MRE11: variants seen among roughly 807,000 people sequenced by gnomAD.
MRE11 encodes double-strand break repair protein MRE11.
A neutral mutation model predicts 91.7 loss-of-function variants in MRE11; 62 were observed. That is an observed-to-expected ratio of 0.68 (90% CI 0.55 to 0.84). The LOEUF is 0.84. Among genes scored for constraint, MRE11 ranks in the 40% least tolerant of loss-of-function variants. MRE11 has a pLI of 0.00. For missense variants in MRE11, 796 were observed against 852.9 expected (o/e 0.93, Z 0.83); for synonymous variants, 273 against 271.4 (o/e 1.01, Z -0.06).
chr11:94,507,315 T>C, the MRE11 span, among the ~76,000 whole-genome samples: 1 of 152,262 alleles, frequency 6.6e-6, no homozygotes, highest in Non-Finnish European at 1.5e-5. Flanking sequence ...TTGTTCTTTT[T>C]ATTGATGTAT....
At chr11:94,478,421 C>T (rs13447614) in intron 6 of MRE11, among the ~76,000 whole-genome samples, 33 of 152,014 alleles carry the variant, frequency 2.2e-4, no homozygotes, top group African/African-American at 9.7e-5. Flanking sequence ...TATAAGCTAG[C>T]GGTATTGTAC....
chr11:94,437,942 T>C (rs186979474), intron 16 of MRE11, among the ~76,000 whole-genome samples: 2 of 152,078 alleles, frequency 1.3e-5, no homozygotes, highest in East Asian at 1.9e-4. Context: ...CTGGCCAACA[T>C]GGTGAAACCC....
At chr11:94,445,417 C>T (rs919162185) in intron 16 of MRE11, among the ~76,000 whole-genome samples, 1 of 152,220 alleles carries the variant, frequency 6.6e-6, no homozygotes, top group African/African-American at 2.4e-5. Context: ...TCAAGTGATT[C>T]TCCTGCCTCA....
At chr11:94,462,076 A>C (rs1022965238) in intron 11 of MRE11, among the ~76,000 whole-genome samples, 2 of 152,170 alleles carry the variant, frequency 1.3e-5, no homozygotes, top group Non-Finnish European at 2.9e-5. Context: ...CTCTGTCTCA[A>C]AAAAATGAAA....
At chr11:94,430,071 C>G in intron 18 of MRE11, 85 bp from the exon 19 acceptor site, 1 of 1,234,878 alleles carries the variant, frequency 8.1e-7, no homozygotes, top group Non-Finnish European at 1.2e-6. Flanking sequence ...TTCAATCCAG[C>G]AGCTGCCACG....
chr11:94,493,030 T>C lies in MRE11; in HGVS notation c.-105-124A>G, dbSNP rs1947331786. ...ACTGGCAAATTTAGAAGTCTCATTT[T>C]CATCTAAGCACCCACTATACTTTTT... On this transcript the variant is annotated intron_variant, in intron 1 of 19. Transcript: ENST00000323929. 2.5e-5 allele frequency: 14 copies of C among 569,810 alleles called. 1 individual carries two copies. In the South Asian group the frequency reaches 3.3e-4, roughly 14 times the overall value. The allele number at this position is 569,810 out of a possible 1,614,324, so 35.3% of individuals were successfully genotyped here.
intron 18 of MRE11, 131 bp from the exon 19 acceptor site, chr11:94,430,117 T>G: frequency 1.1e-6 from 1 of 898,744 alleles, no homozygotes; most frequent in South Asian, 1.4e-5. Context: ...AAAATCTACA[T>G]TAGCGGCAAT....
chr11:94,461,939 G>A (rs1196987183), intron 11 of MRE11, among the ~76,000 whole-genome samples: 3 of 152,164 alleles, frequency 2.0e-5, no homozygotes, highest in African/African-American at 4.8e-5. Flanking sequence ...CAGGGGCGTG[G>A]TGACAGGTGC....
At chr11:94,505,806 T>A in the MRE11 span, among the ~76,000 whole-genome samples, 1 of 152,186 alleles carries the variant, frequency 6.6e-6, no homozygotes, top group Non-Finnish European at 1.5e-5. Context: ...AAGTACACAC[T>A]CTACAGGTGT....
chr11:94,447,135 A>AT, intron 15 of MRE11, 84 bp downstream of exon 15: 4 of 1,340,078 alleles, frequency 3.0e-6, no homozygotes, highest in Non-Finnish European at 4.2e-6. Flanking sequence ...TAAAACTTAT[A>AT]ATTCAACTCT....
rs773469981 is a variant in MRE11 at position 94,460,944 on chromosome 11, C to T, written c.1318G>A (p.Ala440Thr). The change falls in exon 12 of 20, where the codon GCA (alanine) becomes ACA (threonine). Residue 440 changes from alanine (A) to threonine (T), a missense_variant. Coordinates refer to ENST00000323929, the MANE Select transcript of MRE11 (RefSeq NM_005591.4). ...EDLVKQYFQTAEKNVQLSLLT... is the reference protein window; with the variant it reads ...EDLVKQYFQTTEKNVQLSLLT... The stretch of plus-strand genomic sequence containing the variant: ...GAACTGTAAGAAATTACCTTCTCTG[C>T]GGTTTGAAAGTACTGTTTTACAAGA... 15 of 1,612,272 alleles carry T rather than the reference C, an allele frequency of 9.3e-6. No homozygotes were observed. The Admixed American group carries it at 1.0e-4, about 11-fold the overall frequency.
chr11:94,469,171 T>C (rs979065335), intron 9 of MRE11, among the ~76,000 whole-genome samples: 2 of 152,170 alleles, frequency 1.3e-5, no homozygotes, highest in Non-Finnish European at 2.9e-5. Flanking sequence ...CCTCTCTGGA[T>C]TCATGTCACC....
chr11:94,490,709 T>C (rs758223314), intron 3 of MRE11, 124 bp downstream of exon 3: 50 of 1,094,494 alleles, frequency 4.6e-5, no homozygotes, highest in Middle Eastern at 2.8e-4. Flanking sequence ...TTTCAGTATA[T>C]TGATATTCAA....
chr11:94,478,881 G>A lies in MRE11; in HGVS notation c.403-5C>T, dbSNP rs764277924. On this transcript the variant is annotated splice_polypyrimidine_tract_variant and splice_region_variant and intron_variant, in intron 5 of 19. Transcript: ENST00000323929. ...CAAGGCACAAAGTGCATCTGCCTATGCAAAATAATTTCAAAGAATGTTAGT... is the reference window on the plus strand; with the variant it reads ...CAAGGCACAAAGTGCATCTGCCTATACAAAATAATTTCAAAGAATGTTAGT... 1.9e-6 allele frequency: 3 copies of A among 1,613,512 alleles called. No homozygotes were observed. In the East Asian group the frequency reaches 6.7e-5, roughly 36 times the overall value.
At chr11:94,421,663 C>CCT (rs1945174905) in intron 19 of MRE11, among the ~76,000 whole-genome samples, 1 of 152,164 alleles carries the variant, frequency 6.6e-6, no homozygotes, top group African/African-American at 2.4e-5. Flanking sequence ...TGAGTTGAGT[C>CCT]CTCTCAAGCT....
chr11:94,486,591 T>C (rs1947148168), intron 3 of MRE11, among the ~76,000 whole-genome samples: 1 of 152,218 alleles, frequency 6.6e-6, no homozygotes, highest in Admixed American at 6.5e-5. Flanking sequence ...ATATGATCCC[T>C]ATCCTAAATA....
chr11:94,498,639 G>A, upstream of MRE11: 1 of 965,176 alleles, frequency 1.0e-6, no homozygotes, highest in Non-Finnish European at 1.6e-6. Context: ...AAAATTCAGT[G>A]ACATTCATTA....
chr11:94,435,909 A>G lies in MRE11; in HGVS notation c.1927-10T>C. The G allele has an allele frequency of 6.2e-7, 1 of 1,612,676 alleles. No individual in the cohort carries two copies. The highest frequency in any genetic ancestry group is 8.5e-7 in the Non-Finnish European group (1 of 1,178,888). Reference sequence around the variant, plus strand: ...CATCTACCTCAATCACCTGGCAAGGAAACAAAGCAACAAACAGTTTTTGTG... The same window carrying G: ...CATCTACCTCAATCACCTGGCAAGGGAACAAAGCAACAAACAGTTTTTGTG... On this transcript the variant is annotated splice_polypyrimidine_tract_variant and intron_variant, in intron 17 of 19. Transcript: ENST00000323929.
chr11:94,507,173 T>C, the MRE11 span, among the ~76,000 whole-genome samples: 1 of 152,170 alleles, frequency 6.6e-6, no homozygotes, highest in African/African-American at 2.4e-5. Flanking sequence ...GTAACTATAA[T>C]CTAACTTTTA....
Sources: allele counts gnomAD v4.1 joint callset (sites outside exome capture counted in the v4.1 genomes callset), GRCh38; gene constraint gnomAD v4.1.1; transcripts MANE v1.5; gene names NCBI Gene and HGNC (gene_info 2026-07-23, HGNC 2026-07-21).